The following FLNC variants were observed in gnomAD, a reference collection of about 807,000 sequenced individuals.
The protein encoded by FLNC is filamin-C.
A neutral mutation model predicts 254.3 loss-of-function variants in FLNC; 91 were observed. That is an observed-to-expected ratio of 0.36 (90% CI 0.30 to 0.43). The LOEUF (loss-of-function observed/expected upper bound fraction) is 0.43. FLNC is among the 20% of genes least tolerant of loss of function. FLNC has a pLI of 1.00. For synonymous variants in FLNC, 1,430 were observed against 1,577.2 expected, an observed-to-expected ratio of 0.91 and a Z score of 2.21; for missense variants, 2,853 against 3,802.6, an observed-to-expected ratio of 0.75 and a Z score of 6.57.
chr7:128,841,630 C>A lies in FLNC; in HGVS notation c.2121+63C>A. 2 of 1,318,566 alleles carry A rather than the reference C, an allele frequency of 1.5e-6. No homozygotes were observed. The highest frequency in any genetic ancestry group is 1.4e-5 in the African/African-American group (1 of 69,382). 81.7% of individuals were successfully genotyped at this position (1,318,566 alleles called of 1,614,324 possible). ...ATGGCAGGGACCCTGGAAGGCAGGG[C>A]CAGGCCAGAGGCAGAGGCCTCCCAG... On this transcript the variant is annotated intron_variant, in intron 13 of 47. Coordinates refer to ENST00000325888, the MANE Select transcript of FLNC (RefSeq NM_001458.5). The surrounding 1 kb of genome is among the most constrained non-coding windows in gnomAD (Gnocchi z 4.3).
chr7:128,853,085 T>G (rs1200253638), intron 37 of FLNC, 54 bp downstream of exon 37: 3 of 1,522,254 alleles, frequency 2.0e-6, no homozygotes, highest in East Asian at 4.5e-5. Context: ...CACAGGCACT[T>G]GTCCTCGTCC....
intron 26 of FLNC, 59 bp downstream of exon 26, chr7:128,848,127 G>T (rs530284278): frequency 5.8e-6 from 9 of 1,553,408 alleles, no homozygotes; most frequent in African/African-American, 4.1e-5. Context: ...TCCTGCTGGG[G>T]TGGCACTCAG....
At chr7:128,850,732 C>G in intron 32 of FLNC, 71 bp from the exon 33 acceptor site, 1 of 1,606,770 alleles carries the variant, frequency 6.2e-7, no homozygotes. Flanking sequence ...CACTCAGGAC[C>G]AGGCCTGGGA....
intron 6 of FLNC, 59 bp downstream of exon 6, chr7:128,838,123 A>G (rs1808176136): frequency 7.2e-6 from 11 of 1,524,692 alleles, no homozygotes; most frequent in East Asian, 6.8e-5. Context: ...TTCCGGCTGC[A>G]TGGACCCCTC....
At chr7:128,844,401 C>A in intron 20 of FLNC, 135 bp downstream of exon 20, 2 of 1,128,552 alleles carry the variant, frequency 1.8e-6, no homozygotes, top group Admixed American at 2.8e-5. Context: ...TGAGGCCAGC[C>A]CCACCCCACC....
chr7:128,838,504 G>T (rs1327538656), intron 7 of FLNC, 75 bp downstream of exon 7: 2 of 1,596,810 alleles, frequency 1.3e-6, no homozygotes, highest in African/African-American at 2.7e-5. Flanking sequence ...GGGGAGGCTG[G>T]GACAGGGATG....
intron 40 of FLNC, 84 bp from the exon 41 acceptor site, chr7:128,854,329 G>A (rs1808960199): frequency 6.3e-7 from 1 of 1,598,766 alleles, no homozygotes; most frequent in African/African-American, 1.3e-5. Flanking sequence ...TCTGAGCAGA[G>A]GAGGAGGTTT....
At position 128,842,531 on chromosome 7, in the gene FLNC, G is replaced by C. The variant is rs976637845; in HGVS notation, c.2266-44G>C. On this transcript the variant is annotated intron_variant, in intron 14 of 47. Transcript: ENST00000325888. This position sits in a 1 kb window ranked among gnomAD's most constrained non-coding sequence, Gnocchi z 5.4. ...CCGGGTGCGCTGGGCAGGAGGATGAGCCTTGAGGGAGGGCACCACGCTGAG... is the reference window on the plus strand; with the variant it reads ...CCGGGTGCGCTGGGCAGGAGGATGACCCTTGAGGGAGGGCACCACGCTGAG... 9.0e-6 allele frequency: 14 copies of C among 1,549,310 alleles called. No individual in the cohort carries two copies. Among genetic ancestry groups the C allele is most frequent in the Middle Eastern group, 2.2e-4 (1 of 4,522 alleles).
rs1585171801 is a variant in FLNC at position 128,856,726 on chromosome 7, A to C, written c.7385-19A>C. ...GGAGGGGAAGGATGGAGGCTAAGCCACCAACCCTTTATCCACAGACAAGCA... is the reference window on the plus strand; with the variant it reads ...GGAGGGGAAGGATGGAGGCTAAGCCCCCAACCCTTTATCCACAGACAAGCA... On this transcript the variant is annotated intron_variant, in intron 44 of 47. Coordinates refer to ENST00000325888, the MANE Select transcript of FLNC (RefSeq NM_001458.5). The surrounding 1 kb of genome is among the most constrained non-coding windows in gnomAD (Gnocchi z 5.9). 5 of 1,614,060 alleles carry C rather than the reference A, an allele frequency of 3.1e-6. No homozygotes were observed. The highest frequency in any genetic ancestry group is 2.5e-6 in the Non-Finnish European group (3 of 1,180,000).
rs111993847 is a variant in FLNC, at chr7:128,848,337, C to A, written c.4581-224C>A. ...CTCCTGGACCCTCCCACAGCACCTT[C>A]CTGGGGAATGGAGACGTACCCTGGC... On this transcript the variant is annotated intron_variant, in intron 26 of 47. Coordinates refer to ENST00000325888, the MANE Select transcript of FLNC (RefSeq NM_001458.5). 0.064 allele frequency among the ~76,000 whole-genome samples: 9,742 copies of A among 152,224 alleles called. 452 individuals carry two copies. Among genetic ancestry groups the A allele is most frequent in the Non-Finnish European group, 0.096 (6,518 of 67,958 alleles).
At chr7:128,838,866 G>A (rs1808214676) in intron 8 of FLNC, 63 bp downstream of exon 8, 11 of 1,511,740 alleles carry the variant, frequency 7.3e-6, no homozygotes, top group South Asian at 2.3e-5. Context: ...GCAAGGGGCA[G>A]GAGGAAGAGC....
intron 1 of FLNC, 138 bp downstream of exon 1, chr7:128,831,127 G>A: frequency 1.3e-6 from 1 of 781,910 alleles, no homozygotes; most frequent in Non-Finnish European, 2.0e-6. Context: ...GAAGACCCTG[G>A]CCCCGGCCCT....
chr7:128,834,923 C>T (rs1196615240), intron 1 of FLNC, among the ~76,000 whole-genome samples: 3 of 152,200 alleles, frequency 2.0e-5, no homozygotes, highest in African/African-American at 7.2e-5. Context: ...CAAAGCTTCT[C>T]AAACTTCATT....
chr7:128,838,131 CT>C, intron 6 of FLNC, 67 bp downstream of exon 6: 3 of 1,503,638 alleles, frequency 2.0e-6, no homozygotes, highest in Non-Finnish European at 2.8e-6. Flanking sequence ...GCATGGACCC[CT>C]CTCTCAGCCT....
intron 40 of FLNC, 30 bp downstream of exon 40, chr7:128,854,246 C>A: frequency 6.2e-7 from 1 of 1,604,920 alleles, no homozygotes; most frequent in Non-Finnish European, 8.5e-7. Flanking sequence ...CCGGCCGGGT[C>A]CTCACGGCGG....
Position 128,836,298 on chromosome 7 carries a change from C to T in FLNC, c.601+724C>T, listed in dbSNP as rs1339787421. ...GTCACAGCCCCTCGGGAGAATCCTC[C>T]TCCACCCTGGGGTCAGCCGGGGAGC... On this transcript the variant is annotated intron_variant, in intron 2 of 47. Coordinates refer to ENST00000325888, the MANE Select transcript of FLNC (RefSeq NM_001458.5). The surrounding 1 kb of genome is among the most constrained non-coding windows in gnomAD (Gnocchi z 6.0). Among the ~76,000 whole-genome samples, 1 of 152,206 alleles carries T rather than the reference C, an allele frequency of 6.6e-6. No homozygotes were observed. Among genetic ancestry groups the T allele is most frequent in the African/African-American group, 2.4e-5 (1 of 41,446 alleles).
chr7:128,840,210 G>A (rs1314493064), intron 9 of FLNC, 50 bp downstream of exon 9: 1 of 1,605,776 alleles, frequency 6.2e-7, no homozygotes, highest in Non-Finnish European at 8.5e-7. Context: ...GGATCATAAG[G>A]GAAGTATGGC....
Position 128,851,656 on chromosome 7 carries a change from C to T in FLNC, c.5842+28C>T, listed in dbSNP as rs768783311. 1.9e-6 allele frequency: 3 copies of T among 1,611,010 alleles called. No individual in the cohort carries two copies. In the South Asian group the frequency reaches 3.3e-5, roughly 18 times the overall value. On this transcript the variant is annotated intron_variant, in intron 35 of 47. Transcript: ENST00000325888. ...GAGGCGGGTGTATGGGCATGTACAGCCCATGAGGCACACACACCGCATACA... is the reference window on the plus strand; with the variant it reads ...GAGGCGGGTGTATGGGCATGTACAGTCCATGAGGCACACACACCGCATACA...
chr7:128,855,293 T>C lies in FLNC; in HGVS notation c.7230T>C (p.Arg2410=), dbSNP rs766470042. 1.9e-6 allele frequency: 3 copies of C among 1,612,490 alleles called. No individual in the cohort carries two copies. In the South Asian group the frequency reaches 3.3e-5, roughly 18 times the overall value. Residue 2410 remains arginine, a synonymous_variant, in exon 43 of 48, where the codon CGT becomes CGC. Transcript: ENST00000325888. The stretch of plus-strand genomic sequence containing the variant: ...CCTCCCTCTCGGATGACGCTCGCCG[T>C]CTCACTGTCACCAGCCTCCAGGTTT... ...PVASLSDDAR[R]LTVTSLQETG... is the part of the protein sequence containing the mutation.
Sources: gnomAD v4.1 joint callset for allele counts (sites outside exome capture counted in the v4.1 genomes callset) on GRCh38, gnomAD v4.1.1 for gene constraint, Gnocchi (gnomAD v3.1) non-coding constraint, MANE v1.5 for transcripts, NCBI Gene and HGNC (gene_info 2026-07-23, HGNC 2026-07-21) for gene names.